The following CCDC178 variants were observed in gnomAD, a reference collection of about 807,000 sequenced individuals.
CCDC178 encodes coiled-coil domain containing 178.
Under a neutral mutation model 117.4 loss-of-function variants are expected in CCDC178, and 126 were observed. The ratio of observed to expected loss-of-function variants is 1.07; its 90% confidence interval spans 0.93 to 1.24. CCDC178 has a LOEUF of 1.24. Among genes scored for constraint, CCDC178 ranks in the 50% most tolerant of loss-of-function variants. The pLI is 0.00. For missense variants in CCDC178, 1,030 were observed against 986.9 expected, an observed-to-expected ratio of 1.04 and a Z score of -0.59; for synonymous variants, 283 against 313.4, an observed-to-expected ratio of 0.90 and a Z score of 1.02.
chr18:33,010,249 G>C (rs1454110590), intron 21 of CCDC178, among the ~76,000 whole-genome samples: 2 of 151,752 alleles, frequency 1.3e-5, no homozygotes, highest in Admixed American at 1.3e-4. Context: ...TTTCATAATG[G>C]GCTACTGATC....
intron 2 of CCDC178, among the ~76,000 whole-genome samples, chr18:33,418,404 G>T (rs2063975737): frequency 6.6e-6 from 1 of 152,024 alleles, no homozygotes; most frequent in South Asian, 2.1e-4. Context: ...GACAAAAGCT[G>T]GATTCACTTC....
chr18:32,979,047 AAG>A (rs942138936), intron 21 of CCDC178, among the ~76,000 whole-genome samples: 1 of 151,722 alleles, frequency 6.6e-6, no homozygotes, highest in African/African-American at 2.4e-5. Flanking sequence ...AAAAAAAAAA[AAG>A]AGAGAAAAAA....
intron 14 of CCDC178, among the ~76,000 whole-genome samples, chr18:33,265,102 A>T (rs764880321): frequency 3.3e-5 from 5 of 152,116 alleles, no homozygotes; most frequent in Admixed American, 6.6e-5. Context: ...TTCTTTAAAA[A>T]CCAACATCCT....
chr18:33,323,384 TTTTA>T lies in CCDC178; in HGVS notation c.1022+103_1022+106del, dbSNP rs1599161104. ...TAAGACAGGTATGAATAATTTAAAA[TTTTA>T]TTTTTCTCTTTATCTAAATTTTCTA... On this transcript the variant is annotated intron_variant, in intron 11 of 22. Transcript: ENST00000383096. 6.0e-6 allele frequency: 4 copies of T among 662,982 alleles called. No homozygotes were observed. The East Asian group carries it at 1.0e-4, about 17-fold the overall frequency. The allele number at this position is 662,982 out of a possible 1,614,324, so 41.1% of individuals were successfully genotyped here. A position where few individuals can be genotyped will look rare whatever the true frequency, so the allele number is the denominator to read the frequency against.
intron 20 of CCDC178, among the ~76,000 whole-genome samples, chr18:33,127,851 T>C (rs1226835372): frequency 1.3e-5 from 2 of 152,156 alleles, no homozygotes; most frequent in Non-Finnish European, 2.9e-5. Context: ...CTTCAAAGTT[T>C]ATCTGAACTA....
chr18:32,969,620 C>T (rs138890012), intron 22 of CCDC178, among the ~76,000 whole-genome samples: 1,945 of 152,102 alleles, frequency 0.013, 24 homozygotes, highest in South Asian at 0.044. Flanking sequence ...AAATATTTCT[C>T]CCACTCTTTA....
intron 20 of CCDC178, among the ~76,000 whole-genome samples, chr18:33,133,121 A>G (rs997346450): frequency 7.9e-5 from 12 of 151,836 alleles, no homozygotes; most frequent in Admixed American, 5.9e-4. Context: ...AAGCACTGAG[A>G]AGAAGGAGTT....
chr18:32,975,336 G>A (rs1185215928), intron 21 of CCDC178, among the ~76,000 whole-genome samples: 2 of 152,158 alleles, frequency 1.3e-5, no homozygotes, highest in Non-Finnish European at 2.9e-5. Context: ...TGGATGCGGT[G>A]TTAAGAAGTG....
intron 4 of CCDC178, among the ~76,000 whole-genome samples, chr18:33,396,037 T>A (rs1031592476): frequency 7.9e-5 from 12 of 151,938 alleles, no homozygotes; most frequent in African/African-American, 2.9e-4. Context: ...GTAAAAAAAA[T>A]TAGTTAACAT....
At chr18:33,276,008 C>T (rs919440050) in intron 12 of CCDC178, among the ~76,000 whole-genome samples, 6 of 137,460 alleles carry the variant, frequency 4.4e-5, no homozygotes, top group Admixed American at 1.5e-4. Context: ...AGAGCAAGAC[C>T]CTGTTTCTAA....
chr18:32,946,528 T>C (rs1433359937), intron 22 of CCDC178, among the ~76,000 whole-genome samples: 1 of 152,158 alleles, frequency 6.6e-6, no homozygotes, highest in Non-Finnish European at 1.5e-5. Context: ...AGTTTCTATA[T>C]ACTGATCCTC....
chr18:33,310,211 G>A (rs950048765), intron 11 of CCDC178, among the ~76,000 whole-genome samples: 28 of 151,886 alleles, frequency 1.8e-4, no homozygotes, highest in Non-Finnish European at 2.5e-4. Context: ...CACCCACCTC[G>A]GCCTCCCAAA....
intron 11 of CCDC178, among the ~76,000 whole-genome samples, chr18:33,313,535 A>G (rs2062371418): frequency 6.6e-6 from 1 of 152,176 alleles, no homozygotes; most frequent in Admixed American, 6.5e-5. Context: ...TCTTTTCCCA[A>G]AAGCAGTTAC....
At chr18:33,082,739 A>G (rs2057317181) in intron 21 of CCDC178, among the ~76,000 whole-genome samples, 1 of 151,508 alleles carries the variant, frequency 6.6e-6, no homozygotes, top group South Asian at 2.1e-4. Context: ...ATATATATAA[A>G]TAAAATAAAA....
chr18:33,237,849 T>C (rs1419521112), intron 15 of CCDC178, among the ~76,000 whole-genome samples: 1 of 151,870 alleles, frequency 6.6e-6, no homozygotes, highest in Non-Finnish European at 1.5e-5. Context: ...AGCAACTGCA[T>C]GCCCATACTT....
Position 33,091,324 on chromosome 18 carries a change from C to CTTTTTTTTTTTTTTTTTTTTTT in CCDC178, c.2388+1415_2388+1436dup, listed in dbSNP as rs746505005. ...CTTTCCCAAACACACTTATTTCATT[C>CTTTTTTTTTTTTTTTTTTTTTT]TTTTTTTTTTTTTTTTTTTTTTTTT... On this transcript the variant is annotated intron_variant, in intron 21 of 22. Coordinates refer to ENST00000383096, the MANE Select transcript of CCDC178 (RefSeq NM_001105528.4). Among the ~76,000 whole-genome samples the CTTTTTTTTTTTTTTTTTTTTTT allele has an allele frequency of 9.6e-4, 42 of 43,898 alleles. 18 individuals carry two copies. Among genetic ancestry groups the CTTTTTTTTTTTTTTTTTTTTTT allele is most frequent in the East Asian group, 1.6e-3 (2 of 1,226 alleles). 28.8% of individuals were successfully genotyped at this position (43,898 alleles called of 152,430 possible). A position where few individuals can be genotyped will look rare whatever the true frequency, so the allele number is the denominator to read the frequency against.
intron 3 of CCDC178, among the ~76,000 whole-genome samples, chr18:33,410,674 C>T (rs2063837650): frequency 6.6e-6 from 1 of 152,096 alleles, no homozygotes; most frequent in Admixed American, 6.5e-5. Context: ...ATAATAACCC[C>T]AATAATTTTC....
chr18:33,167,767 TGA>T (rs1333951093), intron 20 of CCDC178, among the ~76,000 whole-genome samples: 1 of 151,900 alleles, frequency 6.6e-6, no homozygotes, highest in Non-Finnish European at 1.5e-5. Context: ...CTTGAGAGGC[TGA>T]GAGAGGAGAA....
intron 12 of CCDC178, among the ~76,000 whole-genome samples, chr18:33,280,928 G>A (rs1305485884): frequency 1.3e-5 from 2 of 152,078 alleles, no homozygotes; most frequent in Admixed American, 6.6e-5. Context: ...ACAGGAAGGG[G>A]AACATCACAC....
Sources: allele counts gnomAD v4.1 joint callset (sites outside exome capture counted in the v4.1 genomes callset), GRCh38; gene constraint gnomAD v4.1.1; transcripts MANE v1.5; gene names NCBI Gene and HGNC (gene_info 2026-07-23, HGNC 2026-07-21).